Variants in NAV2 observed in about 807,000 individuals in gnomAD.
NAV2 encodes the protein helicase, APC down-regulated 1.
Under a neutral mutation model 223.2 loss-of-function variants are expected in NAV2, and 54 were observed. The ratio of observed to expected loss-of-function variants is 0.24; its 90% CI spans 0.19 to 0.30. The LOEUF is 0.30. NAV2 is among the 10% of genes least tolerant of loss of function. The pLI is 1.00. For synonymous variants in NAV2, 1,279 were observed against 1,239.3 expected, an observed-to-expected ratio of 1.03 and a Z score of -0.67; for missense variants, 2,806 against 3,147.5, an observed-to-expected ratio of 0.89 and a Z score of 2.60.
At chr11:19,586,355 G>A (rs575095211) in intron 1 of NAV2, among the ~76,000 whole-genome samples, 17 of 151,980 alleles carry the variant, frequency 1.1e-4, no homozygotes, top group Admixed American at 3.9e-4. Context: ...TAGTTTGATC[G>A]TCTGAAGCCT....
intron 1 of NAV2, among the ~76,000 whole-genome samples, chr11:19,570,463 T>C (rs185869524): frequency 8.9e-4 from 135 of 152,352 alleles, no homozygotes; most frequent in Middle Eastern, 6.8e-3. Context: ...AGTTGGACTT[T>C]ATCAAAATTA....
In NAV2 at chr11:19,934,162, G is replaced by A; in HGVS notation, c.1918G>A (p.Gly640Arg). 3 of 1,614,030 alleles carry A rather than the reference G, an allele frequency of 1.9e-6. No individual in the cohort carries two copies. The highest frequency in any genetic ancestry group is 2.5e-6 in the Non-Finnish European group (3 of 1,180,004). The change falls in exon 7 of 38, where the codon GGG becomes AGG. Residue 640 changes from glycine to arginine, a missense_variant. Coordinates refer to ENST00000349880, the MANE Select transcript of NAV2 (RefSeq NM_145117.5). Reference sequence around the variant, plus strand: ...CAGCATCAGCAGCCAGACTGTCAGTGGGTCTGTCGGGACCACCCAGACCAC... The same window carrying A: ...CAGCATCAGCAGCCAGACTGTCAGTAGGTCTGTCGGGACCACCCAGACCAC... ...NHSISSQTVS[G>R]SVGTTQTTGS...
rs753264405 is a variant in NAV2 at position 19,880,152 on chromosome 11, G to A, written c.770+25G>A. 4.6e-6 allele frequency: 7 copies of A among 1,538,396 alleles called. No individual in the cohort carries two copies. The East Asian group carries it at 9.2e-5, about 20-fold the overall frequency. On this transcript the variant is annotated intron_variant, in intron 5 of 37. Transcript: ENST00000349880. ...GGTGGGGGCTCCTTGCCAACTGATGGTTCTGTTTTTCAGGCACCTTCCTCC... is the reference window on the plus strand; with the variant it reads ...GGTGGGGGCTCCTTGCCAACTGATGATTCTGTTTTTCAGGCACCTTCCTCC...
intron 1 of NAV2, among the ~76,000 whole-genome samples, chr11:19,568,797 C>T (rs2045344774): frequency 1.3e-5 from 2 of 152,220 alleles, no homozygotes; most frequent in Admixed American, 1.3e-4. Flanking sequence ...ACGTTGGCCA[C>T]ACTCTGAGAA....
chr11:19,519,943 G>A (rs1423337520), intron 1 of NAV2: 1 of 152,214 alleles, frequency 6.6e-6, no homozygotes, highest in African/African-American at 2.4e-5. Flanking sequence ...CTGCTAATTA[G>A]GGGTTGTGTT....
chr11:19,704,908 G>A (rs2049613546), intron 1 of NAV2, among the ~76,000 whole-genome samples: 1 of 151,430 alleles, frequency 6.6e-6, no homozygotes, highest in African/African-American at 2.4e-5. Context: ...CTACTCGGGA[G>A]GCTGAGGCAG....
chr11:20,116,727 T>C (rs2063127104), intron 37 of NAV2, among the ~76,000 whole-genome samples: 1 of 152,200 alleles, frequency 6.6e-6, no homozygotes, highest in Admixed American at 6.5e-5. Flanking sequence ...AGAAGTGAGC[T>C]GTGCCAGTCC....
upstream of NAV2, among the ~76,000 whole-genome samples, chr11:19,709,339 G>A (rs1202334937): frequency 6.6e-6 from 1 of 151,608 alleles, no homozygotes; most frequent in South Asian, 2.1e-4. Context: ...TCAGGAGGTC[G>A]AGACCATCCT....
At chr11:20,051,418 T>TTGGGC in intron 17 of NAV2, 85 bp downstream of exon 17, 1 of 1,349,302 alleles carries the variant, frequency 7.4e-7, no homozygotes, top group Admixed American at 1.7e-5. Flanking sequence ...TGGTGGGGGT[T>TTGGGC]TGGGCTGGGC....
At chr11:20,066,051 CAG>C (rs2059025364) in intron 20 of NAV2, among the ~76,000 whole-genome samples, 1 of 152,168 alleles carries the variant, frequency 6.6e-6, no homozygotes, top group African/African-American at 2.4e-5. Flanking sequence ...ATACACAAAA[CAG>C]AAAGCAATAG....
chr11:20,075,412 T>G (rs1453806050), intron 22 of NAV2, among the ~76,000 whole-genome samples: 1 of 137,460 alleles, frequency 7.3e-6, no homozygotes, highest in East Asian at 2.2e-4. Flanking sequence ...TTTGTTTGTT[T>G]TTGTATTTTT....
At chr11:20,034,727 A>C (rs7131550) in intron 11 of NAV2, among the ~76,000 whole-genome samples, 65,389 of 152,016 alleles carry the variant, frequency 0.43, 14,738 homozygotes, top group African/African-American at 0.56. Context: ...TATCTGCTAC[A>C]CCACAGCAAA....
intron 1 of NAV2, among the ~76,000 whole-genome samples, chr11:19,790,287 C>T (rs1241758343): frequency 2.0e-5 from 3 of 152,186 alleles, no homozygotes; most frequent in African/African-American, 4.8e-5. Flanking sequence ...GTTTTCAAGA[C>T]AGAGTTCTAG....
At chr11:19,473,371 G>T (rs746653018) in intron 1 of NAV2, among the ~76,000 whole-genome samples, 3 of 152,130 alleles carry the variant, frequency 2.0e-5, no homozygotes, top group South Asian at 2.1e-4. Flanking sequence ...GAGAGGCTTG[G>T]TAGTATCATA....
At chr11:19,749,562 GC>G (rs1374432800) in intron 1 of NAV2, among the ~76,000 whole-genome samples, 2 of 152,164 alleles carry the variant, frequency 1.3e-5, no homozygotes, top group Non-Finnish European at 2.9e-5. Context: ...TCTGAATTAA[GC>G]TCCTTATGGG....
chr11:19,794,884 C>T (rs1194208246), intron 1 of NAV2, among the ~76,000 whole-genome samples: 1 of 152,188 alleles, frequency 6.6e-6, no homozygotes, highest in Non-Finnish European at 1.5e-5. Context: ...TTTCCCCTCC[C>T]TCAACTCCAG....
At chr11:19,903,317 G>T (rs768368949) in intron 6 of NAV2, among the ~76,000 whole-genome samples, 7 of 152,130 alleles carry the variant, frequency 4.6e-5, no homozygotes, top group South Asian at 2.1e-4. Flanking sequence ...CATGCTACAC[G>T]GTGGTTTGTG....
At chr11:19,822,136 A>G (rs2059413556) in intron 1 of NAV2, among the ~76,000 whole-genome samples, 1 of 152,228 alleles carries the variant, frequency 6.6e-6, no homozygotes, top group Admixed American at 6.5e-5. Flanking sequence ...TAACCTGTTG[A>G]GCCCTTGCCG....
chr11:19,584,210 G>T (rs1475628896), intron 1 of NAV2, among the ~76,000 whole-genome samples: 1 of 152,042 alleles, frequency 6.6e-6, no homozygotes, highest in Non-Finnish European at 1.5e-5. Context: ...TATTTCTGTG[G>T]GATCGGTGGT....
Sources: gnomAD v4.1 joint callset for allele counts (sites outside exome capture counted in the v4.1 genomes callset) on GRCh38, gnomAD v4.1.1 for gene constraint, MANE v1.5 for transcripts, NCBI Gene and HGNC (gene_info 2026-07-23, HGNC 2026-07-21) for gene names.